COPS3: variants seen among roughly 807,000 people sequenced by gnomAD.
COPS3 encodes COP9 signalosome complex subunit 3.
In COPS3, 10 loss-of-function variants were observed where a neutral mutation model predicts 58.2. The ratio of observed to expected loss-of-function variants is 0.17; its 90% CI spans 0.11 to 0.29. COPS3 has a LOEUF of 0.29. COPS3 is among the 10% of genes least tolerant of loss of function. COPS3 has a pLI of 1.00. For missense variants in COPS3, 333 were observed against 510.1 expected (o/e 0.65, Z 3.34); for synonymous variants, 187 against 181.7 (o/e 1.03, Z -0.24).
At chr17:17,257,806 A>AAAAAAAG (rs1555617964) in intron 8 of COPS3, among the ~76,000 whole-genome samples, 14 of 147,902 alleles carry the variant, frequency 9.5e-5, no homozygotes, top group East Asian at 6.0e-4. Context: ...CAAAAAAAAA[A>AAAAAAAG]AAAAAGAAAA....
chr17:17,272,613 G>A (rs1216063822), intron 2 of COPS3, among the ~76,000 whole-genome samples: 1 of 152,066 alleles, frequency 6.6e-6, no homozygotes, highest in Non-Finnish European at 1.5e-5. Flanking sequence ...AGAATACATT[G>A]AATGAAAATA....
At chr17:17,273,704 T>G (rs1003614171) in intron 2 of COPS3, among the ~76,000 whole-genome samples, 10 of 152,034 alleles carry the variant, frequency 6.6e-5, no homozygotes, top group Non-Finnish European at 1.5e-4. Context: ...ACACAAAAAT[T>G]AGGCGGGCGT....
intron 10 of COPS3, 64 bp from the exon 11 acceptor site, chr17:17,247,624 C>G (rs906267260): frequency 1.3e-6 from 2 of 1,504,500 alleles, no homozygotes; most frequent in South Asian, 2.3e-5. Flanking sequence ...TCCTTTCTAA[C>G]TTACACTGTT....
At chr17:17,265,507 T>C (rs2048202670) in intron 5 of COPS3, among the ~76,000 whole-genome samples, 1 of 151,926 alleles carries the variant, frequency 6.6e-6, no homozygotes, top group Non-Finnish European at 1.5e-5. Flanking sequence ...CAAGTGATTC[T>C]CCTGCATTAG....
chr17:17,249,048 A>AG lies in COPS3; in HGVS notation c.1024-10dup. 2 of 1,512,752 alleles carry AG rather than the reference A, an allele frequency of 1.3e-6. No homozygotes were observed. The highest frequency in any genetic ancestry group is 1.8e-6 in the Non-Finnish European group (2 of 1,106,382). The allele number at this position is 1,512,752 out of a possible 1,614,324, so 93.7% of individuals were successfully genotyped here. A position where few individuals can be genotyped will look rare whatever the true frequency, so the allele number is the denominator to read the frequency against. On this transcript the variant is annotated splice_polypyrimidine_tract_variant and intron_variant, in intron 9 of 11. Transcript: ENST00000268717. ...ATCTCACCATCTTCTATCTGCAGAA[A>AG]GAAAAAAAAAAAAATCAGGAAAGCA...
chr17:17,261,382 T>C (rs943913975), intron 7 of COPS3, among the ~76,000 whole-genome samples: 1 of 151,684 alleles, frequency 6.6e-6, no homozygotes, highest in African/African-American at 2.4e-5. Flanking sequence ...AAAAATTAGC[T>C]GGGCATGGTG....
rs1034010352 is a variant in COPS3, at chr17:17,246,905, A to G, written c.*193T>C. 5.6e-5 allele frequency: 33 copies of G among 592,824 alleles called. No individual in the cohort carries two copies. In the African/African-American group the frequency reaches 5.9e-4, roughly 11 times the overall value. 36.7% of individuals were successfully genotyped at this position (592,824 alleles called of 1,614,324 possible). The stretch of plus-strand genomic sequence containing the variant: ...TAAATAAATCCACGACAGACTTTAA[A>G]GTTTGCAAATCTGTTTCCTTTCTTT... On this transcript the variant is annotated 3_prime_UTR_variant, in exon 12 of 12. Coordinates refer to ENST00000268717, the MANE Select transcript of COPS3 (RefSeq NM_003653.4).
intron 4 of COPS3, among the ~76,000 whole-genome samples, chr17:17,268,818 C>T (rs971604731): frequency 8.1e-6 from 1 of 123,056 alleles, no homozygotes; most frequent in African/African-American, 2.9e-5. Flanking sequence ...GACCCCATCT[C>T]AAAAAAACAA....
intron 8 of COPS3, among the ~76,000 whole-genome samples, chr17:17,257,164 G>C (rs1349939629): frequency 1.3e-5 from 2 of 151,952 alleles, no homozygotes; most frequent in Non-Finnish European, 2.9e-5. Flanking sequence ...AGGAGTTTGA[G>C]ACCAGCCTGG....
intron 6 of COPS3, among the ~76,000 whole-genome samples, chr17:17,263,947 C>T (rs1169381091): frequency 6.6e-6 from 1 of 152,200 alleles, no homozygotes; most frequent in African/African-American, 2.4e-5. Context: ...TTTCCGAATG[C>T]GTAGTCTTAA....
chr17:17,277,670 T>G (rs952521399), intron 1 of COPS3, among the ~76,000 whole-genome samples: 1 of 152,186 alleles, frequency 6.6e-6, no homozygotes, highest in African/African-American at 2.4e-5. Context: ...TCCTCCCACC[T>G]TGGCCTCCCA....
intron 7 of COPS3, 30 bp from the exon 8 acceptor site, chr17:17,260,504 G>A: frequency 2.5e-6 from 4 of 1,610,652 alleles, no homozygotes; most frequent in Non-Finnish European, 3.4e-6. Context: ...AAAAAATTCA[G>A]ATTAAAACTT....
intron 2 of COPS3, among the ~76,000 whole-genome samples, chr17:17,274,292 G>T (rs191666756): frequency 3.3e-4 from 50 of 152,226 alleles, no homozygotes; most frequent in African/African-American, 1.2e-3. Context: ...AACCCCAGAT[G>T]AAATTGTTTC....
Position 17,269,356 on chromosome 17 carries a change from C to A in COPS3, c.349-1379G>T, listed in dbSNP as rs1362396978. On this transcript the variant is annotated intron_variant, in intron 4 of 11. Transcript: ENST00000268717. ...AGAAGAACTGCTTGAACCCAGGAGGCGGAAGTTGCAGTGAGCCGAGATTGC... is the reference window on the plus strand; with the variant it reads ...AGAAGAACTGCTTGAACCCAGGAGGAGGAAGTTGCAGTGAGCCGAGATTGC... Among the ~76,000 whole-genome samples the A allele has an allele frequency of 2.0e-5, 3 of 152,108 alleles. No individual in the cohort carries two copies. In the East Asian group the frequency reaches 5.8e-4, roughly 29 times the overall value.
chr17:17,271,892 A>G (rs1166539163), intron 2 of COPS3, among the ~76,000 whole-genome samples: 1 of 123,982 alleles, frequency 8.1e-6, no homozygotes, highest in Non-Finnish European at 1.9e-5. Flanking sequence ...AATAATATAT[A>G]TTAAATAATA....
chr17:17,255,232 G>A (rs533899441), intron 8 of COPS3, among the ~76,000 whole-genome samples: 2 of 151,988 alleles, frequency 1.3e-5, no homozygotes, highest in Non-Finnish European at 2.9e-5. Context: ...CCCAGGAGGC[G>A]GAGGTTGCAG....
At chr17:17,248,797 G>T in intron 10 of COPS3, 129 bp downstream of exon 10, 2 of 600,028 alleles carry the variant, frequency 3.3e-6, no homozygotes, top group South Asian at 4.5e-5. Flanking sequence ...TAACTTTCTA[G>T]TAACTAAGAT....
At position 17,276,040 on chromosome 17, in the gene COPS3, A is replaced by C. The variant is rs1364663589; in HGVS notation, c.180T>G (p.Ala60=). ...TAAAAGAAGATGCTCCTTACAAAAC[A>C]GCAAGGACGCCCAAGGAGTGTTCTT... is the stretch of plus-strand genomic sequence containing the variant. ...DVQEHSLGVL[A]VLFVKFSMPS... The change falls in exon 2 of 12, where the codon GCT becomes GCG. Residue 60 remains alanine, a synonymous_variant. Transcript: ENST00000268717. 1 of 1,613,418 alleles carries C rather than the reference A, an allele frequency of 6.2e-7. No individual in the cohort carries two copies. Among genetic ancestry groups the C allele is most frequent in the Non-Finnish European group, 8.5e-7 (1 of 1,179,590 alleles).
chr17:17,249,127 T>C, intron 9 of COPS3, 88 bp from the exon 10 acceptor site: 1 of 715,138 alleles, frequency 1.4e-6, no homozygotes, highest in Non-Finnish European at 2.4e-6. Flanking sequence ...CAGAAAAGCA[T>C]GGAAGGCAAC....
Sources: allele counts gnomAD v4.1 joint callset (sites outside exome capture counted in the v4.1 genomes callset), GRCh38; gene constraint gnomAD v4.1.1; transcripts MANE v1.5; gene names NCBI Gene and HGNC (gene_info 2026-07-23, HGNC 2026-07-21).